The following MAST4 variants were observed in gnomAD, a reference collection of about 807,000 sequenced individuals.
The protein encoded by MAST4 is microtubule-associated serine/threonine-protein kinase 4.
A neutral mutation model predicts 162.7 loss-of-function variants in MAST4; 89 were observed. That is an observed-to-expected ratio of 0.55 (90% CI 0.46 to 0.65). The LOEUF (loss-of-function observed/expected upper bound fraction) is 0.65, where lower values mean the gene tolerates loss of function less well. Ranked by LOEUF, MAST4 falls within the 30% of genes least tolerant of loss-of-function variation. MAST4 has a pLI of 0.00. For synonymous variants in MAST4, 1,479 were observed against 1,361.1 expected (o/e 1.09, Z -1.91); for missense variants, 3,153 against 3,374.0 (o/e 0.93, Z 1.62).
chr5:67,158,069 A>G (rs1772752252), intron 26 of MAST4, among the ~76,000 whole-genome samples: 3 of 152,188 alleles, frequency 2.0e-5, no homozygotes, highest in Admixed American at 2.0e-4. Flanking sequence ...TCAGTGACAC[A>G]GGAACTCGCC....
chr5:67,048,749 T>C (rs1757683483), intron 4 of MAST4, among the ~76,000 whole-genome samples: 1 of 151,844 alleles, frequency 6.6e-6, no homozygotes, highest in South Asian at 2.1e-4. Flanking sequence ...TAACTTCAGC[T>C]TCTACAGAGT....
chr5:67,031,857 C>T (rs1326023877), intron 4 of MAST4, among the ~76,000 whole-genome samples: 1 of 152,068 alleles, frequency 6.6e-6, no homozygotes, highest in Non-Finnish European at 1.5e-5. Context: ...GTTTTTATTC[C>T]ACCTTCTTTC....
intron 3 of MAST4, among the ~76,000 whole-genome samples, chr5:66,845,536 C>G (rs1160521030): frequency 6.6e-6 from 1 of 152,020 alleles, no homozygotes; most frequent in Non-Finnish European, 1.5e-5. Flanking sequence ...TGGGTTGGTT[C>G]CAAGTCTTTG....
At chr5:66,971,049 C>A (rs994811200) in intron 4 of MAST4, among the ~76,000 whole-genome samples, 1 of 152,170 alleles carries the variant, frequency 6.6e-6, no homozygotes, top group Non-Finnish European at 1.5e-5. Context: ...GGTTGGAGAG[C>A]CTGTGCCTCT....
intron 3 of MAST4, among the ~76,000 whole-genome samples, chr5:66,859,586 A>G (rs1052703043): frequency 1.3e-5 from 2 of 152,212 alleles, no homozygotes; most frequent in Non-Finnish European, 2.9e-5. Context: ...TCTGTATTTT[A>G]CCACCTATTT....
At chr5:66,769,566 A>G (rs971453111) in intron 2 of MAST4, among the ~76,000 whole-genome samples, 1 of 152,230 alleles carries the variant, frequency 6.6e-6, no homozygotes, top group Non-Finnish European at 1.5e-5. Context: ...TGGGTCACGC[A>G]TCTTTACAGC....
chr5:67,110,525 CT>C (rs1766113811), intron 11 of MAST4, among the ~76,000 whole-genome samples: 1 of 152,152 alleles, frequency 6.6e-6, no homozygotes, highest in Admixed American at 6.5e-5. Context: ...CTGTACCACA[CT>C]TTTTTGGAAT....
intron 3 of MAST4, among the ~76,000 whole-genome samples, chr5:66,829,110 T>C (rs1341893360): frequency 1.3e-5 from 2 of 152,038 alleles, no homozygotes; most frequent in Admixed American, 1.3e-4. Flanking sequence ...TTTGACACTT[T>C]GGTGGTTTGT....
At chr5:67,005,621 C>A (rs1241638764) in intron 4 of MAST4, among the ~76,000 whole-genome samples, 1 of 152,164 alleles carries the variant, frequency 6.6e-6, no homozygotes, top group African/African-American at 2.4e-5. Context: ...GCATTTATTA[C>A]TAATACAGGA....
At chr5:67,113,837 C>T (rs1478501338) in intron 11 of MAST4, among the ~76,000 whole-genome samples, 2 of 152,178 alleles carry the variant, frequency 1.3e-5, no homozygotes, top group African/African-American at 4.8e-5. Flanking sequence ...TTCGTAGTTA[C>T]ATTACAAGCA....
intron 1 of MAST4, among the ~76,000 whole-genome samples, chr5:66,685,593 G>T (rs1362957952): frequency 1.3e-5 from 2 of 151,930 alleles, no homozygotes. Flanking sequence ...TTCCCCCACA[G>T]AATGGTAGTG....
At chr5:66,627,306 A>G (rs575871433) in intron 1 of MAST4, among the ~76,000 whole-genome samples, 74 of 152,320 alleles carry the variant, frequency 4.9e-4, no homozygotes, top group Non-Finnish European at 8.1e-4. Flanking sequence ...GTTACCTCCC[A>G]CCAGGTCCTT....
At chr5:67,104,063 A>G (rs1765331372) in intron 9 of MAST4, among the ~76,000 whole-genome samples, 1 of 152,348 alleles carries the variant, frequency 6.6e-6, no homozygotes, top group Non-Finnish European at 1.5e-5. Context: ...GCTTCACAAA[A>G]AAATTGAGCA....
intron 4 of MAST4, among the ~76,000 whole-genome samples, chr5:66,981,499 G>A (rs114034966): frequency 6.6e-6 from 1 of 152,184 alleles, no homozygotes; most frequent in African/African-American, 2.4e-5. Context: ...GGAAGGATGG[G>A]GGTGGGGATG....
Position 67,163,440 on chromosome 5 carries a change from C to T in MAST4, c.4261C>T (p.Pro1421Ser). ...CTTTCCCAGCAAGATGCACTCCCCG[C>T]CCACCATCGTCAGACACATCGTGAG... ...QAFPSKMHSP[P>S]TIVRHIVRPK... is the part of the protein sequence containing the mutation. The change falls in exon 29 of 29, where the codon CCC becomes TCC. Residue 1421 changes from proline to serine, a missense_variant. Transcript: ENST00000403625. The surrounding 1 kb of genome is among the most constrained non-coding windows in gnomAD (Gnocchi z 7.0). 1 of 1,613,372 alleles carries T rather than the reference C, an allele frequency of 6.2e-7. No homozygotes were observed. The highest frequency in any genetic ancestry group is 8.5e-7 in the Non-Finnish European group (1 of 1,179,870).
intron 4 of MAST4, among the ~76,000 whole-genome samples, chr5:67,028,094 G>A (rs1754881003): frequency 6.6e-6 from 1 of 152,188 alleles, no homozygotes; most frequent in East Asian, 1.9e-4. Flanking sequence ...TATCATGTGT[G>A]AGTATATGTC....
At chr5:67,020,100 A>C (rs1161234735) in intron 4 of MAST4, among the ~76,000 whole-genome samples, 1 of 152,174 alleles carries the variant, frequency 6.6e-6, no homozygotes, top group East Asian at 1.9e-4. Flanking sequence ...TCAGGCACTG[A>C]ACTGTACATG....
At chr5:66,810,659 G>A (rs557676998) in intron 3 of MAST4, among the ~76,000 whole-genome samples, 140 of 152,312 alleles carry the variant, frequency 9.2e-4, no homozygotes, top group African/African-American at 3.2e-3. Context: ...GAAGTGGTGT[G>A]TCTGGGCTGC....
chr5:67,134,805 C>A, intron 18 of MAST4, 117 bp downstream of exon 18: 2 of 827,384 alleles, frequency 2.4e-6, no homozygotes, highest in Non-Finnish European at 1.8e-6. Context: ...AACAGTTGAG[C>A]CAACAAAAGA....
Sources: gnomAD v4.1 joint callset for allele counts (sites outside exome capture counted in the v4.1 genomes callset) on GRCh38, gnomAD v4.1.1 for gene constraint, Gnocchi (gnomAD v3.1) non-coding constraint, MANE v1.5 for transcripts, NCBI Gene and HGNC (gene_info 2026-07-23, HGNC 2026-07-21) for gene names.